Variants in COL14A1 observed in about 807,000 individuals in gnomAD.
The protein encoded by COL14A1 is collagen type XIV alpha 1 chain.
In COL14A1, 136 loss-of-function variants were observed where a neutral mutation model predicts 230.3. The observed-to-expected ratio is 0.59, with a 90% CI of 0.51 to 0.68. The LOEUF (loss-of-function observed/expected upper bound fraction) is 0.68, where lower values mean the gene tolerates loss of function less well. COL14A1 is among the 30% of genes least tolerant of loss of function. The pLI is 0.00. For synonymous variants in COL14A1, 792 were observed against 784.1 expected, an observed-to-expected ratio of 1.01 and a Z score of -0.17; for missense variants, 1,976 against 2,215.8, an observed-to-expected ratio of 0.89 and a Z score of 2.17.
chr8:120,311,105 A>G (rs1435493715), intron 37 of COL14A1, among the ~76,000 whole-genome samples: 1 of 152,242 alleles, frequency 6.6e-6, no homozygotes, highest in Non-Finnish European at 1.5e-5. Context: ...AGAAGGCTAA[A>G]GACAATTAAT....
At chr8:120,359,498 A>G (rs1052707571) in intron 45 of COL14A1, among the ~76,000 whole-genome samples, 3 of 152,180 alleles carry the variant, frequency 2.0e-5, no homozygotes, top group African/African-American at 4.8e-5. Flanking sequence ...CAATTTAAAT[A>G]TTATCAACTG....
intron 36 of COL14A1, among the ~76,000 whole-genome samples, chr8:120,303,818 A>G (rs1820785109): frequency 6.6e-6 from 1 of 152,138 alleles, no homozygotes; most frequent in Admixed American, 6.6e-5. Context: ...GAATGTTACC[A>G]GCTCTTCTTT....
intron 45 of COL14A1, among the ~76,000 whole-genome samples, chr8:120,348,740 C>A (rs1326392391): frequency 6.6e-6 from 1 of 152,108 alleles, no homozygotes; most frequent in African/African-American, 2.4e-5. Flanking sequence ...ATCAGAAGTG[C>A]CCACTCTAAC....
At chr8:120,260,056 A>G (rs1198858971) in intron 23 of COL14A1, among the ~76,000 whole-genome samples, 6 of 152,306 alleles carry the variant, frequency 3.9e-5, no homozygotes, top group South Asian at 4.1e-4. Context: ...ATTTTTCATA[A>G]TATAGGAACA....
intron 5 of COL14A1, among the ~76,000 whole-genome samples, chr8:120,181,416 C>T (rs1397984577): frequency 6.6e-6 from 1 of 152,078 alleles, no homozygotes; most frequent in Non-Finnish European, 1.5e-5. Flanking sequence ...CAGGAAGAAA[C>T]AATTTTCTTT....
At chr8:120,237,697 G>T (rs1175776136) in intron 19 of COL14A1, among the ~76,000 whole-genome samples, 1 of 152,138 alleles carries the variant, frequency 6.6e-6, no homozygotes, top group Non-Finnish European at 1.5e-5. Context: ...GGGCATTCTG[G>T]TTTTTGAAAC....
In COL14A1 at chr8:120,269,124, G is replaced by A. The variant is rs149305537; in HGVS notation, c.3074-911G>A. 2.5e-3 allele frequency among the ~76,000 whole-genome samples: 378 copies of A among 151,766 alleles called. 4 individuals carry two copies. Among genetic ancestry groups the A allele is most frequent in the South Asian group, 0.02 (94 of 4,816 alleles). ...GGTTTTTCTTAAAGAAAGGAGAAAG[G>A]CACATTATCTCATAGAATATTTATG... On this transcript the variant is annotated intron_variant, in intron 25 of 47. Transcript: ENST00000297848.
intron 5 of COL14A1, among the ~76,000 whole-genome samples, chr8:120,184,512 C>G (rs1816585613): frequency 6.6e-6 from 1 of 152,084 alleles, no homozygotes; most frequent in South Asian, 2.1e-4. Flanking sequence ...GCCTCCGCCT[C>G]CCAAAGTGCT....
chr8:120,287,056 C>A (rs1347506533), intron 33 of COL14A1, among the ~76,000 whole-genome samples: 1 of 152,108 alleles, frequency 6.6e-6, no homozygotes, highest in South Asian at 2.1e-4. Flanking sequence ...CCCTTACTGC[C>A]CTTTTAAAGT....
At position 120,254,135 on chromosome 8, in the gene COL14A1, G is replaced by C. The variant is rs564194496; in HGVS notation, c.2753-1105G>C. On this transcript the variant is annotated intron_variant, in intron 22 of 47. Transcript: ENST00000297848. ...ATTCCGAGGTATTTTTATTTTGTGA[G>C]TAAGCTAAGAGAGAGAGAGAAATAA... is the stretch of plus-strand genomic sequence containing the variant. Among the ~76,000 whole-genome samples the C allele has an allele frequency of 1.4e-3, 219 of 152,220 alleles. 1 individual carries two copies. Among genetic ancestry groups the C allele is most frequent in the Non-Finnish European group, 2.7e-3 (181 of 68,010 alleles).
rs766073763 is a variant in COL14A1 at position 120,310,051 on chromosome 8, C to A, written c.4444C>A (p.Pro1482Thr). ...LRGPKGQQGE[P>T]GPKGPDGPRG... ...AGGACCAAAGGGCCAGCAAGGTGAA[C>A]CGGGTCCAAAGGTAATGCGCATGTT... The change falls in exon 37 of 48, where the codon CCG (proline) becomes ACG (threonine). Residue 1482 changes from proline to threonine, a missense_variant. Physicochemically the swap from Pro to Thr is conservative, Grantham distance 38 (BLOSUM62 -1). Coordinates refer to ENST00000297848, the MANE Select transcript of COL14A1 (RefSeq NM_021110.4). The A allele has an allele frequency of 6.2e-7, 1 of 1,613,238 alleles. No individual in the cohort carries two copies. Among genetic ancestry groups the A allele is most frequent in the Non-Finnish European group, 8.5e-7 (1 of 1,179,360 alleles).
intron 19 of COL14A1, among the ~76,000 whole-genome samples, chr8:120,241,380 G>A (rs1263888401): frequency 1.3e-5 from 2 of 152,180 alleles, no homozygotes; most frequent in Non-Finnish European, 2.9e-5. Context: ...ACAGCGAGAT[G>A]CAGGGCATCC....
At chr8:120,243,421 C>G (rs1415255858) in intron 19 of COL14A1, among the ~76,000 whole-genome samples, 1 of 152,116 alleles carries the variant, frequency 6.6e-6, no homozygotes, top group Non-Finnish European at 1.5e-5. Flanking sequence ...TCCTTTCTAA[C>G]TGAAAGAAGA....
At chr8:120,160,034 G>C (rs1815610635) in intron 3 of COL14A1, among the ~76,000 whole-genome samples, 1 of 152,110 alleles carries the variant, frequency 6.6e-6, no homozygotes, top group Admixed American at 6.6e-5. Context: ...AGACTCATTA[G>C]AATGACTTCT....
rs531218906 is a variant in COL14A1, at chr8:120,176,643, T to C, written c.436+8396T>C. ...AGGAGGTAGCTAAAGTACAGGGAAC[T>C]AGATGGGTCTTGTAGGTTAATGCTG... On this transcript the variant is annotated intron_variant, in intron 5 of 47. Transcript: ENST00000297848. Among the ~76,000 whole-genome samples the C allele has an allele frequency of 2.6e-5, 4 of 152,220 alleles. No individual in the cohort carries two copies. In the East Asian group the frequency reaches 7.7e-4, roughly 29 times the overall value.
intron 26 of COL14A1, among the ~76,000 whole-genome samples, chr8:120,275,841 T>C (rs1179096994): frequency 6.6e-6 from 1 of 151,728 alleles, no homozygotes; most frequent in Non-Finnish European, 1.5e-5. Flanking sequence ...TAGATGTCGG[T>C]GTGGATGTGG....
intron 13 of COL14A1, among the ~76,000 whole-genome samples, chr8:120,215,194 A>AC (rs894890543): frequency 4.6e-5 from 7 of 152,042 alleles, no homozygotes; most frequent in Admixed American, 2.6e-4. Flanking sequence ...ACATGGTGAA[A>AC]CCCCCGTCTC....
intron 23 of COL14A1, among the ~76,000 whole-genome samples, chr8:120,259,308 C>T (rs141082579): frequency 1.3e-3 from 201 of 152,080 alleles, no homozygotes; most frequent in Non-Finnish European, 2.5e-3. Context: ...AAGCTGGTGG[C>T]GTTATAATTA....
intron 19 of COL14A1, among the ~76,000 whole-genome samples, chr8:120,237,998 A>C (rs926248574): frequency 4.3e-4 from 65 of 152,260 alleles, no homozygotes; most frequent in African/African-American, 1.5e-3. Context: ...TTCATCCCAG[A>C]GGGGCACCTG....
Sources: allele counts gnomAD v4.1 joint callset (sites outside exome capture counted in the v4.1 genomes callset), GRCh38; gene constraint gnomAD v4.1.1; transcripts MANE v1.5; gene names NCBI Gene and HGNC (gene_info 2026-07-23, HGNC 2026-07-21).